ALDH8A1: variants seen among roughly 807,000 people sequenced by gnomAD.
ALDH8A1 encodes aldehyde dehydrogenase 8 family member A1, also known as 2-aminomuconic semialdehyde dehydrogenase.
A neutral mutation model predicts 43.3 loss-of-function variants in ALDH8A1; 39 were observed. That is an observed-to-expected ratio of 0.90 (90% CI 0.70 to 1.18). The LOEUF (loss-of-function observed/expected upper bound fraction) is 1.18. Among genes scored for constraint, ALDH8A1 ranks in the 50% most tolerant of loss-of-function variants. The probability of loss-of-function intolerance (pLI) is 0.00; values close to 1 mark genes in which losing one functional copy is unlikely to be tolerated. For missense variants in ALDH8A1, 605 were observed against 622.6 expected, an observed-to-expected ratio of 0.97 and a Z score of 0.30; for synonymous variants, 233 against 243.5, an observed-to-expected ratio of 0.96 and a Z score of 0.40.
intron 4 of ALDH8A1, among the ~76,000 whole-genome samples, chr6:134,937,514 C>A (rs1216089078): frequency 6.6e-6 from 1 of 152,178 alleles, no homozygotes; most frequent in East Asian, 1.9e-4. Flanking sequence ...GAAATAAAAT[C>A]AATGCTGTGC....
At position 134,931,255 on chromosome 6, in the gene ALDH8A1, T is replaced by TTTTG. The variant is rs140127049; in HGVS notation, c.849+1517_849+1520dup. 8.3e-3 allele frequency among the ~76,000 whole-genome samples: 1,269 copies of TTTTG among 152,130 alleles called. 16 individuals are homozygous for TTTTG. The highest frequency in any genetic ancestry group is 0.029 in the African/African-American group (1,190 of 41,486). On this transcript the variant is annotated intron_variant, in intron 5 of 6. Coordinates refer to ENST00000265605, the MANE Select transcript of ALDH8A1 (RefSeq NM_022568.4). The stretch of plus-strand genomic sequence containing the variant: ...TTCTTATCTCCATGTTCAGAATTTG[T>TTTTG]TTTGTTTGTTTGTTTGTTTGTTTTT...
intron 4 of ALDH8A1, among the ~76,000 whole-genome samples, chr6:134,935,035 G>C (rs890564032): frequency 6.6e-6 from 1 of 152,160 alleles, no homozygotes; most frequent in Non-Finnish European, 1.5e-5. Flanking sequence ...ACTCTGCTCA[G>C]GATAAATTTC....
In ALDH8A1 at chr6:134,918,851, TTGACGTAACTTC is replaced by T; in HGVS notation, c.1016_1027del (p.Arg339_Val342del). ...TTGGGCACCTTCAGCAAGAGCTCTCTTGACGTAACTTCTGACCTGCGTGGGTAAAAATCATAA... is the reference window on the plus strand; with the variant it reads ...TTGGGCACCTTCAGCAAGAGCTCTCTTGACCTGCGTGGGTAAAAATCATAA... On this transcript the variant is annotated inframe_deletion, in exon 7 of 7. Transcript: ENST00000265605. The T allele has an allele frequency of 6.2e-7, 1 of 1,613,916 alleles. No homozygotes were observed. Among genetic ancestry groups the T allele is most frequent in the Non-Finnish European group, 8.5e-7 (1 of 1,179,794 alleles).
chr6:134,939,457 C>T, intron 3 of ALDH8A1, 42 bp from the exon 4 acceptor site: 3 of 1,597,644 alleles, frequency 1.9e-6, no homozygotes, highest in Non-Finnish European at 2.6e-6. Flanking sequence ...ACGGCATACC[C>T]CTCTGAGGTG....
chr6:134,929,035 A>G lies in ALDH8A1; in HGVS notation c.1011+19T>C, dbSNP rs766065061. 6.2e-7 allele frequency: 1 copy of G among 1,612,182 alleles called. No individual in the cohort carries two copies. The highest frequency in any genetic ancestry group is 1.1e-5 in the South Asian group (1 of 90,754). On this transcript the variant is annotated intron_variant, in intron 6 of 6. Coordinates refer to ENST00000265605, the MANE Select transcript of ALDH8A1 (RefSeq NM_022568.4). ...AATAAGAACTTATTCTGTAACTTAC[A>G]TGGCAGAAATTTACTTACTTTCTCC...
intron 1 of ALDH8A1, 98 bp from the exon 2 acceptor site, chr6:134,944,064 T>TG: frequency 7.4e-7 from 1 of 1,357,160 alleles, no homozygotes; most frequent in East Asian, 2.6e-5. Context: ...ACCTCATTTT[T>TG]GTTTTGTTTT....
chr6:134,933,119 G>A (rs371124292), intron 4 of ALDH8A1, 87 bp from the exon 5 acceptor site: 21 of 1,390,610 alleles, frequency 1.5e-5, no homozygotes, highest in Non-Finnish European at 1.6e-5. Context: ...AAGTCCAATC[G>A]CTTGAATGGG....
intron 3 of ALDH8A1, chr6:134,940,064 G>T (rs1051559689): frequency 3.6e-5 from 8 of 221,052 alleles, no homozygotes; most frequent in African/African-American, 4.7e-5. Flanking sequence ...CACACAGCAG[G>T]CCCTGTCAGG....
At chr6:134,926,083 G>T (rs1023475842) in intron 6 of ALDH8A1, among the ~76,000 whole-genome samples, 36 of 151,958 alleles carry the variant, frequency 2.4e-4, no homozygotes, top group Non-Finnish European at 8.8e-5. Context: ...AGTAACATGG[G>T]GTATGACCAT....
chr6:134,949,872 A>G (rs1221753112), intron 1 of ALDH8A1, 44 bp downstream of exon 1: 1 of 1,505,962 alleles, frequency 6.6e-7, no homozygotes, highest in South Asian at 1.4e-5. Flanking sequence ...TAATTGGCCA[A>G]CATATTAAAC....
chr6:134,944,166 C>T (rs1043197399), intron 1 of ALDH8A1, 200 bp from the exon 2 acceptor site: 2 of 574,392 alleles, frequency 3.5e-6, no homozygotes, highest in Non-Finnish European at 5.8e-6. Context: ...CTCCGGGGTT[C>T]AAGTGATTCT....
At chr6:134,939,520 T>C in intron 3 of ALDH8A1, 105 bp from the exon 4 acceptor site, 1 of 1,333,792 alleles carries the variant, frequency 7.5e-7, no homozygotes. Context: ...GCAGAAAACT[T>C]AGCTTACTCT....
intron 5 of ALDH8A1, 105 bp from the exon 6 acceptor site, chr6:134,929,320 A>G (rs771798314): frequency 1.8e-5 from 20 of 1,138,986 alleles, no homozygotes; most frequent in Non-Finnish European, 2.4e-5. Flanking sequence ...GGTCTAGGCA[A>G]TGGGGTACAA....
Position 134,932,951 on chromosome 6 carries a change from G to A in ALDH8A1, c.674C>T (p.Pro225Leu). 4 of 1,613,974 alleles carry A rather than the reference G, an allele frequency of 2.5e-6. No individual in the cohort carries two copies. The highest frequency in any genetic ancestry group is 3.4e-6 in the Non-Finnish European group (4 of 1,179,990). Residue 225 changes from proline (P) to leucine (L), a missense_variant, in exon 5 of 7, where the codon CCC becomes CTC. Physicochemically the swap from Pro to Leu is moderately conservative, Grantham distance 98. Coordinates refer to ENST00000265605, the MANE Select transcript of ALDH8A1 (RefSeq NM_022568.4). The part of the protein sequence containing the change: ...GEALVSHPEV[P>L]LISFTGSQPT... The stretch of plus-strand genomic sequence containing the variant: ...CTGGCTCCCGGTGAAGGAGATCAGG[G>A]GCACCTCTGGGTGGGACACCAGGGC...
At chr6:134,933,248 G>A (rs1773655707) in intron 4 of ALDH8A1, among the ~76,000 whole-genome samples, 1 of 152,212 alleles carries the variant, frequency 6.6e-6, no homozygotes, top group South Asian at 2.1e-4. Context: ...TAAACACCAG[G>A]TGGGATTCCA....
chr6:134,928,052 C>A (rs756564790), intron 6 of ALDH8A1, among the ~76,000 whole-genome samples: 3 of 152,182 alleles, frequency 2.0e-5, no homozygotes, highest in African/African-American at 7.2e-5. Flanking sequence ...TGCTGGTCAT[C>A]CTCACTTTAA....
intron 3 of ALDH8A1, among the ~76,000 whole-genome samples, chr6:134,941,908 T>C (rs1317663381): frequency 6.6e-6 from 1 of 152,128 alleles, no homozygotes; most frequent in Non-Finnish European, 1.5e-5. Flanking sequence ...TTCTTTTCCC[T>C]ATGATTTTCC....
At chr6:134,920,272 C>T (rs1776777656) in intron 6 of ALDH8A1, among the ~76,000 whole-genome samples, 2 of 152,192 alleles carry the variant, frequency 1.3e-5, no homozygotes, top group Non-Finnish European at 2.9e-5. Flanking sequence ...CTCCCAACAT[C>T]CATAGTGATC....
chr6:134,918,868 C>T lies in ALDH8A1; in HGVS notation c.1012-1G>A. ...GAGCTCTCTTGACGTAACTTCTGAC[C>T]TGCGTGGGTAAAAATCATAATTAGC... On this transcript the variant is annotated splice_acceptor_variant, in intron 6 of 6. Coordinates refer to ENST00000265605, the MANE Select transcript of ALDH8A1 (RefSeq NM_022568.4). LOFTEE classifies it high-confidence loss of function. 6.2e-7 allele frequency: 1 copy of T among 1,611,620 alleles called. No individual in the cohort carries two copies. Among genetic ancestry groups the T allele is most frequent in the South Asian group, 1.1e-5 (1 of 90,982 alleles).
Sources: allele counts gnomAD v4.1 joint callset (sites outside exome capture counted in the v4.1 genomes callset), GRCh38; gene constraint gnomAD v4.1.1; transcripts MANE v1.5; gene names NCBI Gene and HGNC (gene_info 2026-07-23, HGNC 2026-07-21).